Variants in DOCK8 observed in about 807,000 individuals in gnomAD.
DOCK8 encodes dedicator of cytokinesis protein 8.
DOCK8 carries 141 observed loss-of-function variants against 245.6 expected under a neutral mutation model. That is an observed-to-expected ratio of 0.57 (90% CI 0.50 to 0.66). The LOEUF is 0.66. Among genes scored for constraint, DOCK8 ranks in the 30% least tolerant of loss-of-function variants. The pLI is 0.00. For missense variants in DOCK8, 2,965 were observed against 2,603.4 expected, an observed-to-expected ratio of 1.14 and a Z score of -3.02; for synonymous variants, 1,168 against 970.2, an observed-to-expected ratio of 1.20 and a Z score of -3.79.
rs183257936 is a variant in DOCK8, at chr9:428,232, G to C, written c.4339-130G>C. 9.2e-6 allele frequency: 13 copies of C among 1,411,478 alleles called. No individual in the cohort carries two copies. The African/African-American group carries it at 1.3e-4, about 14-fold the overall frequency. 87.4% of individuals were successfully genotyped at this position (1,411,478 alleles called of 1,614,324 possible). ...CCCATGGTTAATGGATGATACCCAT[G>C]GTGGCTCACCAAACTCTTAAGACTC... is the stretch of plus-strand genomic sequence containing the variant. On this transcript the variant is annotated intron_variant, in intron 34 of 47. Transcript: ENST00000432829.
chr9:323,285 A>G (rs561411532), intron 7 of DOCK8, among the ~76,000 whole-genome samples: 2 of 125,282 alleles, frequency 1.6e-5, no homozygotes, highest in Admixed American at 1.0e-4. Context: ...GTGCAGTGGC[A>G]TGATCTCGGC....
At chr9:443,846 T>C (rs926971721) in intron 43 of DOCK8, among the ~76,000 whole-genome samples, 2 of 152,126 alleles carry the variant, frequency 1.3e-5, no homozygotes, top group African/African-American at 4.8e-5. Context: ...AACTGAGACA[T>C]GGAAGAGTCA....
intron 38 of DOCK8, among the ~76,000 whole-genome samples, chr9:434,260 TTAAC>T (rs1376075973): frequency 1.3e-5 from 2 of 152,296 alleles, no homozygotes; most frequent in African/African-American, 4.8e-5. Flanking sequence ...GAAAGAATAA[TTAAC>T]TGTTATAGGA....
chr9:387,604 A>G (rs2054009182), intron 23 of DOCK8, among the ~76,000 whole-genome samples: 1 of 152,222 alleles, frequency 6.6e-6, no homozygotes, highest in African/African-American at 2.4e-5. Flanking sequence ...GGAAAGACCA[A>G]GTGTGGGAGG....
chr9:255,359 T>C (rs1465400300), intron 1 of DOCK8, among the ~76,000 whole-genome samples: 1 of 152,138 alleles, frequency 6.6e-6, no homozygotes, highest in Non-Finnish European at 1.5e-5. Flanking sequence ...ACATTTGCCA[T>C]GTCTCTTTTA....
intron 24 of DOCK8, among the ~76,000 whole-genome samples, chr9:392,060 C>T (rs1212425412): frequency 6.6e-6 from 1 of 150,650 alleles, no homozygotes; most frequent in Non-Finnish European, 1.5e-5. Flanking sequence ...ATTGCTTGAA[C>T]CTGGGAGGCA....
chr9:272,594 C>T (rs543904020), intron 2 of DOCK8, among the ~76,000 whole-genome samples: 2 of 152,212 alleles, frequency 1.3e-5, no homozygotes, highest in East Asian at 3.9e-4. Flanking sequence ...GCTATGTTGC[C>T]CAGGCTGGTC....
intron 2 of DOCK8, among the ~76,000 whole-genome samples, chr9:281,948 C>T (rs2048606150): frequency 6.6e-6 from 1 of 152,158 alleles, no homozygotes; most frequent in Non-Finnish European, 1.5e-5. Context: ...GAACCGTACT[C>T]AGTAATGCTG....
chr9:396,207 C>T (rs2054446724), intron 24 of DOCK8, among the ~76,000 whole-genome samples: 1 of 152,054 alleles, frequency 6.6e-6, no homozygotes, highest in Non-Finnish European at 1.5e-5. Flanking sequence ...ATTTCCTGCT[C>T]AATATATAAT....
intron 10 of DOCK8, 100 bp downstream of exon 10, chr9:332,578 G>A (rs1244721704): frequency 2.6e-6 from 2 of 756,240 alleles, no homozygotes; most frequent in Admixed American, 3.9e-5. Context: ...TCCCTAATGT[G>A]TCCCTATATA....
intron 14 of DOCK8, among the ~76,000 whole-genome samples, chr9:356,856 G>A (rs1339787953): frequency 6.6e-6 from 1 of 152,048 alleles, no homozygotes; most frequent in East Asian, 1.9e-4. Context: ...AAAAATTTCA[G>A]TTGGTTCAAC....
Position 312,093 on chromosome 9 carries a change from A to C in DOCK8, c.668A>C (p.Glu223Ala). Reference protein sequence around the residue: ...LLQQVSAEDFEKQNEEARRTN... With the variant: ...LLQQVSAEDFAKQNEEARRTN... The stretch of plus-strand genomic sequence containing the variant: ...CAGCAAGTGAGTGCCGAGGACTTTG[A>C]GAAGCAGAACGAGGAGGCCCGGAGG... The change falls in exon 6 of 48, where the codon GAG becomes GCG. Residue 223 changes from glutamate to alanine, a missense_variant. Around this residue, in one of 3 missense-constraint regions of DOCK8, gnomAD observed 2,825 missense variants for 2,453.5 expected, o/e 1.15. Transcript: ENST00000432829. 1 of 1,614,212 alleles carries C rather than the reference A, an allele frequency of 6.2e-7. No individual in the cohort carries two copies. Among genetic ancestry groups the C allele is most frequent in the Non-Finnish European group, 8.5e-7 (1 of 1,180,026 alleles).
Position 242,878 on chromosome 9 carries a change from T to A in DOCK8, c.53+27849T>A, listed in dbSNP as rs571874345. Among the ~76,000 whole-genome samples the A allele has an allele frequency of 7.2e-5, 11 of 152,254 alleles. No homozygotes were observed. The South Asian group carries it at 1.0e-3, about 14-fold the overall frequency. On this transcript the variant is annotated intron_variant, in intron 1 of 47. Transcript: ENST00000432829. ...CTCAGATGAGACAGAGGATTTACTT[T>A]CAAGAAAGTTGGACGCTGTCCACTC...
intron 18 of DOCK8, among the ~76,000 whole-genome samples, chr9:374,469 T>G (rs1211994007): frequency 1.4e-5 from 2 of 144,926 alleles, no homozygotes; most frequent in Admixed American, 6.9e-5. Context: ...TTTTTTTTTT[T>G]TTTTTTTTTA....
At position 251,583 on chromosome 9, in the gene DOCK8, C is replaced by T. The variant is rs549215392; in HGVS notation, c.54-20044C>T. Among the ~76,000 whole-genome samples, 5 of 152,282 alleles carry T rather than the reference C, an allele frequency of 3.3e-5. No homozygotes were observed. The East Asian group carries it at 7.7e-4, about 23-fold the overall frequency. ...TCCGATAGCAGCTTTTTCTGAGATG[C>T]GCCTGGTGATAACATTTTCCAGTAG... On this transcript the variant is annotated intron_variant, in intron 1 of 47. Transcript: ENST00000432829.
intron 30 of DOCK8, 66 bp downstream of exon 30, chr9:418,273 G>T (rs1303804547): frequency 3.8e-6 from 6 of 1,577,814 alleles, no homozygotes; most frequent in Non-Finnish European, 5.2e-6. Context: ...GTTTTGTTTT[G>T]TTTGTTTGTT....
chr9:455,751 G>A (rs899958929), intron 46 of DOCK8, among the ~76,000 whole-genome samples: 6 of 151,320 alleles, frequency 4.0e-5, no homozygotes, highest in South Asian at 2.1e-4. Flanking sequence ...CACTTTTGCC[G>A]TCTGCTTCCT....
intron 14 of DOCK8, among the ~76,000 whole-genome samples, chr9:353,991 C>T (rs1887526): frequency 0.55 from 83,004 of 152,084 alleles, 24,175 homozygotes; most frequent in East Asian, 0.82. Context: ...TGTTCTTATA[C>T]TTCTTTGGAG....
chr9:214,555 T>G (rs1407662010), upstream of DOCK8: 10 of 1,613,596 alleles, frequency 6.2e-6, no homozygotes, highest in Non-Finnish European at 8.5e-6. Context: ...TTTGTGGGGC[T>G]CCCCCGACTT....
Sources: gnomAD v4.1 joint callset for allele counts (sites outside exome capture counted in the v4.1 genomes callset) on GRCh38, gnomAD v4.1.1 for gene constraint, gnomAD v4.1.1 regional missense constraint, MANE v1.5 for transcripts, NCBI Gene and HGNC (gene_info 2026-07-23, HGNC 2026-07-21) for gene names.